Variants in CTNND2 observed in about 807,000 individuals in gnomAD.
CTNND2 encodes the protein catenin delta-2.
CTNND2 carries 22 observed loss-of-function variants against 144.4 expected under a neutral mutation model. The ratio of observed to expected loss-of-function variants is 0.15; its 90% CI spans 0.11 to 0.22. The LOEUF (loss-of-function observed/expected upper bound fraction) is 0.22. CTNND2 is among the 10% of genes least tolerant of loss of function. CTNND2 has a pLI of 1.00. For missense variants in CTNND2, 1,353 were observed against 1,618.8 expected, an observed-to-expected ratio of 0.84 and a Z score of 2.82; for synonymous variants, 751 against 695.6, an observed-to-expected ratio of 1.08 and a Z score of -1.25.
chr5:11,773,810 CAAAA>C (rs11308130), intron 1 of CTNND2, among the ~76,000 whole-genome samples: 6 of 92,316 alleles, frequency 6.5e-5, no homozygotes, highest in Admixed American at 1.1e-4. Context: ...GACTCCATCT[CAAAA>C]AAAAAAAAAA....
chr5:11,304,976 A>G (rs112788962), intron 9 of CTNND2, among the ~76,000 whole-genome samples: 2 of 152,204 alleles, frequency 1.3e-5, no homozygotes, highest in African/African-American at 4.8e-5. Flanking sequence ...TTGCTTGCTG[A>G]ATGAATGCAT....
intron 1 of CTNND2, among the ~76,000 whole-genome samples, chr5:11,740,489 G>A (rs942037415): frequency 1.3e-5 from 2 of 152,176 alleles, no homozygotes; most frequent in Admixed American, 6.5e-5. Flanking sequence ...CTAGCCATAT[G>A]TAGAAAGCTG....
intron 16 of CTNND2, among the ~76,000 whole-genome samples, chr5:11,073,312 AT>A (rs1360223250): frequency 6.6e-6 from 1 of 152,154 alleles, no homozygotes; most frequent in African/African-American, 2.4e-5. Context: ...GAGGAGAGCC[AT>A]TTCATTTCTC....
At chr5:11,461,823 G>T (rs1766250486) in intron 3 of CTNND2, among the ~76,000 whole-genome samples, 1 of 152,186 alleles carries the variant, frequency 6.6e-6, no homozygotes, top group Non-Finnish European at 1.5e-5. Context: ...TAAGGATTGA[G>T]ACATTGATTC....
chr5:11,213,976 T>C (rs1487754378), intron 10 of CTNND2, among the ~76,000 whole-genome samples: 1 of 152,240 alleles, frequency 6.6e-6, no homozygotes, highest in Admixed American at 6.5e-5. Flanking sequence ...TACTATTTTA[T>C]TCCAATTTAA....
chr5:11,727,164 A>C (rs760369412), intron 2 of CTNND2, among the ~76,000 whole-genome samples: 23 of 152,212 alleles, frequency 1.5e-4, no homozygotes, highest in Non-Finnish European at 2.9e-4. Flanking sequence ...CAAGTAAACA[A>C]ATACACTTCA....
At chr5:11,470,834 T>C (rs1767115905) in intron 3 of CTNND2, among the ~76,000 whole-genome samples, 1 of 151,452 alleles carries the variant, frequency 6.6e-6, no homozygotes, top group South Asian at 2.1e-4. Flanking sequence ...GATGATAGGA[T>C]TTGGAGAGGA....
At chr5:11,053,543 C>T (rs180714536) in intron 16 of CTNND2, among the ~76,000 whole-genome samples, 4 of 152,246 alleles carry the variant, frequency 2.6e-5, no homozygotes, top group East Asian at 1.9e-4. Flanking sequence ...GACAGTGCAG[C>T]GCTAATGGGT....
intron 1 of CTNND2, among the ~76,000 whole-genome samples, chr5:11,870,149 C>A (rs566664809): frequency 2.0e-5 from 3 of 152,262 alleles, no homozygotes; most frequent in South Asian, 4.1e-4. Flanking sequence ...GTTGGGTCCA[C>A]GGAAAGCCTC....
At chr5:11,491,691 T>C (rs1406466835) in intron 3 of CTNND2, among the ~76,000 whole-genome samples, 1 of 152,230 alleles carries the variant, frequency 6.6e-6, no homozygotes, top group Non-Finnish European at 1.5e-5. Flanking sequence ...TCATCACAGT[T>C]ACATCTCCTC....
At chr5:11,843,365 T>C (rs556758625) in intron 1 of CTNND2, among the ~76,000 whole-genome samples, 1 of 152,088 alleles carries the variant, frequency 6.6e-6, no homozygotes, top group African/African-American at 2.4e-5. Context: ...GACATTCAGG[T>C]TTGCAAATGA....
intron 6 of CTNND2, chr5:11,386,120 T>C (rs940158739): frequency 1.3e-5 from 2 of 152,254 alleles, no homozygotes; most frequent in Non-Finnish European, 2.9e-5. Context: ...CCTTGAATCT[T>C]GTCCAGAGAC....
In CTNND2 at chr5:11,295,815, T is replaced by C. The variant is rs200734015; in HGVS notation, c.1628+50557A>G. Among the ~76,000 whole-genome samples the C allele has an allele frequency of 5.9e-4, 90 of 152,144 alleles. 1 individual carries two copies. The East Asian group carries it at 0.015, about 25-fold the overall frequency. On this transcript the variant is annotated intron_variant, in intron 9 of 21. Transcript: ENST00000304623. Reference sequence around the variant, plus strand: ...CTGAAACTGGATCCCTTCCTTACACTTTATACAAAAATTAATTCAAGATGC... The same window carrying C: ...CTGAAACTGGATCCCTTCCTTACACCTTATACAAAAATTAATTCAAGATGC...
At chr5:11,816,267 C>G (rs1792645731) in intron 1 of CTNND2, among the ~76,000 whole-genome samples, 1 of 152,128 alleles carries the variant, frequency 6.6e-6, no homozygotes, top group Non-Finnish European at 1.5e-5. Context: ...TTCCCACTGG[C>G]TACCTGAACA....
intron 1 of CTNND2, among the ~76,000 whole-genome samples, chr5:11,757,142 T>TATAC (rs1788989473): frequency 1.3e-5 from 2 of 151,578 alleles, no homozygotes; most frequent in Non-Finnish European, 3.0e-5. Flanking sequence ...GGTACACACA[T>TATAC]ATACATACAT....
At chr5:11,214,965 C>T (rs543486101) in intron 10 of CTNND2, among the ~76,000 whole-genome samples, 6 of 152,148 alleles carry the variant, frequency 3.9e-5, no homozygotes, top group African/African-American at 9.7e-5. Flanking sequence ...GTTCATTTTC[C>T]GCTTCCATCC....
chr5:11,242,533 G>A (rs1245947553), intron 9 of CTNND2, among the ~76,000 whole-genome samples: 1 of 152,172 alleles, frequency 6.6e-6, no homozygotes, highest in African/African-American at 2.4e-5. Context: ...GTTTTGGATG[G>A]CACCCGTGGA....
chr5:11,635,613 G>A (rs559206184), intron 2 of CTNND2, among the ~76,000 whole-genome samples: 17 of 152,220 alleles, frequency 1.1e-4, no homozygotes, highest in South Asian at 2.1e-4. Context: ...ATATTCTAAC[G>A]AAATATGCAT....
At chr5:11,821,285 G>A (rs1223719767) in intron 1 of CTNND2, among the ~76,000 whole-genome samples, 11 of 152,156 alleles carry the variant, frequency 7.2e-5, no homozygotes, top group Admixed American at 7.2e-4. Context: ...ATAAACTGAA[G>A]TATTTAAATG....
Sources: gnomAD v4.1 joint callset for allele counts (sites outside exome capture counted in the v4.1 genomes callset) on GRCh38, gnomAD v4.1.1 for gene constraint, MANE v1.5 for transcripts, NCBI Gene and HGNC (gene_info 2026-07-23, HGNC 2026-07-21) for gene names.